CSMD1: variants seen among roughly 807,000 people sequenced by gnomAD.
CSMD1 encodes the protein CUB and sushi domain-containing protein 1.
Under a neutral mutation model 417.5 loss-of-function variants are expected in CSMD1, and 213 were observed. The observed-to-expected ratio is 0.51, with a 90% CI of 0.46 to 0.57. CSMD1 has a LOEUF of 0.57. CSMD1 is among the 20% of genes least tolerant of loss of function. The pLI, the probability that CSMD1 is intolerant of heterozygous loss-of-function variation, is 0.00. For synonymous variants in CSMD1, 2,862 were observed against 1,736.8 expected (o/e 1.65, Z -16.11); for missense variants, 6,923 against 4,529.7 (o/e 1.53, Z -15.17).
At chr8:3,862,377 G>C (rs1410329742) in intron 5 of CSMD1, among the ~76,000 whole-genome samples, 1 of 147,560 alleles carries the variant, frequency 6.8e-6, no homozygotes, top group Non-Finnish European at 1.5e-5. Context: ...CTCTGATGTG[G>C]CCCTTTCATT....
chr8:4,767,786 G>A (rs755062443), intron 1 of CSMD1, among the ~76,000 whole-genome samples: 1 of 152,140 alleles, frequency 6.6e-6, no homozygotes, highest in Non-Finnish European at 1.5e-5. Flanking sequence ...TACTTAAGGG[G>A]TTGGTGTTCC....
At chr8:4,811,340 A>G (rs1408097422) in intron 1 of CSMD1, among the ~76,000 whole-genome samples, 12 of 152,210 alleles carry the variant, frequency 7.9e-5, no homozygotes, top group Non-Finnish European at 1.8e-4. Context: ...TTCTTCTTTC[A>G]AACTACCTTG....
intron 2 of CSMD1, among the ~76,000 whole-genome samples, chr8:4,594,955 G>GTT (rs1163065192): frequency 6.6e-6 from 1 of 152,164 alleles, no homozygotes. Flanking sequence ...GTAGTTGAAT[G>GTT]TTTTTCATAC....
intron 5 of CSMD1, among the ~76,000 whole-genome samples, chr8:3,862,408 C>T (rs923035256): frequency 6.6e-6 from 1 of 152,138 alleles, no homozygotes; most frequent in Non-Finnish European, 1.5e-5. Flanking sequence ...GAATTTTTCT[C>T]TCACTTGTCT....
At chr8:4,136,697 C>G (rs1311864131) in intron 3 of CSMD1, among the ~76,000 whole-genome samples, 2 of 152,120 alleles carry the variant, frequency 1.3e-5, no homozygotes, top group African/African-American at 4.8e-5. Context: ...TCTTCAGAGA[C>G]TACGTAACAT....
intron 3 of CSMD1, among the ~76,000 whole-genome samples, chr8:4,272,380 T>A (rs1022878976): frequency 2.0e-5 from 3 of 152,116 alleles, no homozygotes; most frequent in African/African-American, 7.2e-5. Context: ...TCACCTGAAG[T>A]CTCAGTTTCC....
At chr8:3,813,024 G>C (rs1388403278) in intron 5 of CSMD1, among the ~76,000 whole-genome samples, 2 of 151,404 alleles carry the variant, frequency 1.3e-5, no homozygotes, top group Non-Finnish European at 1.5e-5. Context: ...ATGGTATATT[G>C]TGACAGCATT....
chr8:3,252,795 G>T (rs1252483119), intron 26 of CSMD1, among the ~76,000 whole-genome samples: 1 of 152,178 alleles, frequency 6.6e-6, no homozygotes, highest in Non-Finnish European at 1.5e-5. Flanking sequence ...TCTTGGGAGG[G>T]TGTATGTGTC....
At chr8:3,234,675 G>T (rs1422759731) in intron 26 of CSMD1, among the ~76,000 whole-genome samples, 1 of 152,168 alleles carries the variant, frequency 6.6e-6, no homozygotes. Context: ...GCAGAGGAAG[G>T]CAGGATAGAT....
intron 48 of CSMD1, among the ~76,000 whole-genome samples, chr8:3,089,435 T>G (rs538465141): frequency 6.6e-6 from 1 of 152,352 alleles, no homozygotes; most frequent in East Asian, 1.9e-4. Flanking sequence ...CAGGCATTTC[T>G]TTGTCGTTTT....
chr8:4,563,354 T>A (rs1400007801), intron 2 of CSMD1, among the ~76,000 whole-genome samples: 1 of 152,160 alleles, frequency 6.6e-6, no homozygotes, highest in East Asian at 1.9e-4. Flanking sequence ...TGAGCTCAGA[T>A]CGTGCCGCTG....
At chr8:4,049,808 A>T (rs182507311) in intron 3 of CSMD1, among the ~76,000 whole-genome samples, 1 of 151,834 alleles carries the variant, frequency 6.6e-6, no homozygotes, top group Non-Finnish European at 1.5e-5. Flanking sequence ...TTAGCTTTGT[A>T]TGGACATTTC....
intron 48 of CSMD1, among the ~76,000 whole-genome samples, chr8:3,089,671 C>T (rs1814796393): frequency 1.3e-5 from 2 of 152,084 alleles, no homozygotes; most frequent in African/African-American, 4.8e-5. Context: ...ACTGAGTCAT[C>T]AATTCTAAGT....
At chr8:3,930,731 T>C (rs1810082876) in intron 5 of CSMD1, among the ~76,000 whole-genome samples, 1 of 150,426 alleles carries the variant, frequency 6.6e-6, no homozygotes, top group Non-Finnish European at 1.5e-5. Flanking sequence ...TGTGAGGAAA[T>C]TAAATTTATG....
At chr8:4,562,992 G>C (rs1316599583) in intron 2 of CSMD1, among the ~76,000 whole-genome samples, 1 of 152,106 alleles carries the variant, frequency 6.6e-6, no homozygotes, top group Non-Finnish European at 1.5e-5. Context: ...AGGTATGGTA[G>C]CACTCACATG....
intron 3 of CSMD1, among the ~76,000 whole-genome samples, chr8:4,157,746 G>C (rs932474572): frequency 1.2e-4 from 18 of 152,190 alleles, no homozygotes; most frequent in Admixed American, 2.6e-4. Flanking sequence ...CTAGGAGTCA[G>C]GGCCAGGGCT....
At chr8:3,548,851 T>G (rs1798790139) in intron 10 of CSMD1, among the ~76,000 whole-genome samples, 1 of 151,984 alleles carries the variant, frequency 6.6e-6, no homozygotes, top group Non-Finnish European at 1.5e-5. Context: ...GCAGGCAGGG[T>G]GCTCCCTGGG....
intron 28 of CSMD1, 129 bp downstream of exon 28, chr8:3,223,600 C>G: frequency 1.1e-6 from 1 of 902,138 alleles, no homozygotes; most frequent in East Asian, 2.5e-5. Context: ...CTGGTGTAGT[C>G]TCCATTAGAC....
At position 4,018,492 on chromosome 8, in the gene CSMD1, G is replaced by T. The variant is rs144206550; in HGVS notation, c.610+13413C>A. Among the ~76,000 whole-genome samples, 802 of 152,220 alleles carry T rather than the reference G, an allele frequency of 5.3e-3. 7 individuals are homozygous for T. Among genetic ancestry groups the T allele is most frequent in the African/African-American group, 0.018 (745 of 41,538 alleles). ...TACTTTGCACAAGGAGCAGGTGGAG[G>T]AAGGGGAGGCAGCCAAAGCCCAGCA... is the stretch of plus-strand genomic sequence containing the variant. On this transcript the variant is annotated intron_variant, in intron 4 of 69. Transcript: ENST00000635120.
Sources: gnomAD v4.1 joint callset for allele counts (sites outside exome capture counted in the v4.1 genomes callset) on GRCh38, gnomAD v4.1.1 for gene constraint, MANE v1.5 for transcripts, NCBI Gene and HGNC (gene_info 2026-07-23, HGNC 2026-07-21) for gene names.